The following RAD50 variants were observed in gnomAD, a reference collection of about 807,000 sequenced individuals.
RAD50 encodes the protein DNA repair protein RAD50.
RAD50 carries 132 observed loss-of-function variants against 168.8 expected under a neutral mutation model. The observed-to-expected ratio is 0.78, with a 90% confidence interval of 0.68 to 0.90. The LOEUF (loss-of-function observed/expected upper bound fraction) is 0.90. Among genes scored for constraint, RAD50 ranks in the 40% least tolerant of loss-of-function variants. The pLI is 0.00. For missense variants in RAD50, 1,347 were observed against 1,534.4 expected (o/e 0.88, Z 2.04); for synonymous variants, 525 against 497.4 (o/e 1.06, Z -0.74).
In RAD50 at chr5:132,616,034, CT is replaced by C. The variant is rs753950483; in HGVS notation, c.3071del (p.Leu1024Ter). 5.0e-6 allele frequency: 8 copies of C among 1,599,182 alleles called. No homozygotes were observed. The highest frequency in any genetic ancestry group is 1.3e-5 in the African/African-American group (1 of 74,600). On this transcript the variant is annotated frameshift_variant, in exon 20 of 25. Transcript: ENST00000378823. LOFTEE classifies it high-confidence loss of function. ...IQERWLQDNL[T>X]LRKRNEELKE... ...GAAAGGTGGCTACAAGATAACCTTA[CT>C]TTAAGAAAAAGAAATGAGGAACTAA...
chr5:132,633,127 G>A (rs1346268984), intron 21 of RAD50, among the ~76,000 whole-genome samples: 1 of 127,164 alleles, frequency 7.9e-6, no homozygotes, highest in African/African-American at 3.1e-5. Context: ...TTGAGACAGA[G>A]TCTAGCTCTG....
chr5:132,557,753 T>C (rs1188330542), intron 1 of RAD50, among the ~76,000 whole-genome samples: 3 of 152,230 alleles, frequency 2.0e-5, no homozygotes, highest in East Asian at 1.9e-4. Context: ...TTGGTCTGTA[T>C]TGATGTTTTT....
At chr5:132,562,188 G>A (rs548939941) in intron 2 of RAD50, among the ~76,000 whole-genome samples, 1 of 152,334 alleles carries the variant, frequency 6.6e-6, no homozygotes, top group East Asian at 1.9e-4. Flanking sequence ...ACTAGATCCT[G>A]TAGGTCCTTG....
Position 132,557,145 on chromosome 5 carries a change from G to A in RAD50, c.-180G>A. On this transcript the variant is annotated 5_prime_UTR_variant, in exon 1 of 25. Coordinates refer to ENST00000378823, the MANE Select transcript of RAD50 (RefSeq NM_005732.4). ...TGTGGGAGGAAAGGCTCCATCCCCC[G>A]CCCCCTCTCTCCCGCTGTTGGCTGG... 1 of 845,138 alleles carries A rather than the reference G, an allele frequency of 1.2e-6. No homozygotes were observed. Among genetic ancestry groups the A allele is most frequent in the Non-Finnish European group, 1.9e-6 (1 of 529,334 alleles). 52.4% of individuals were successfully genotyped at this position (845,138 alleles called of 1,614,324 possible).
intron 21 of RAD50, among the ~76,000 whole-genome samples, chr5:132,619,845 TATATATAAAG>T (rs1244784923): frequency 8.8e-5 from 11 of 125,414 alleles, no homozygotes; most frequent in African/African-American, 2.9e-4. Context: ...TCTATATATA[TATATATAAAG>T]ATATATATAT....
chr5:132,610,903 T>A (rs1751072159), intron 19 of RAD50, among the ~76,000 whole-genome samples: 1 of 152,200 alleles, frequency 6.6e-6, no homozygotes, highest in Non-Finnish European at 1.5e-5. Context: ...TGGTATTAGT[T>A]TACTTTGTAA....
At chr5:132,560,579 A>C (rs985459962) in intron 2 of RAD50, among the ~76,000 whole-genome samples, 2 of 152,210 alleles carry the variant, frequency 1.3e-5, no homozygotes, top group Admixed American at 6.5e-5. Flanking sequence ...CTTATTTTCC[A>C]ATCATCACAT....
intron 21 of RAD50, among the ~76,000 whole-genome samples, chr5:132,626,002 TG>T (rs1265378727): frequency 6.6e-6 from 1 of 152,032 alleles, no homozygotes; most frequent in Non-Finnish European, 1.5e-5. Flanking sequence ...TCCGAGTAGC[TG>T]GAATTACAGG....
chr5:132,635,590 A>G (rs558126202), intron 21 of RAD50, among the ~76,000 whole-genome samples: 10 of 152,340 alleles, frequency 6.6e-5, no homozygotes, highest in South Asian at 6.2e-4. Flanking sequence ...CCTGTGTTGT[A>G]TAAGGGAGCC....
chr5:132,630,108 T>C (rs1056681089), intron 21 of RAD50, among the ~76,000 whole-genome samples: 3 of 151,528 alleles, frequency 2.0e-5, no homozygotes, highest in Non-Finnish European at 2.9e-5. Flanking sequence ...AATGGTGCGA[T>C]CTCAGCTCAC....
chr5:132,559,298 T>G lies in RAD50; in HGVS notation c.144T>G (p.Cys48Trp). The change falls in exon 2 of 25, where the codon TGT (cysteine) becomes TGG (tryptophan). Residue 48 changes from cysteine to tryptophan, a missense_variant. Around this residue, in one of 3 missense-constraint regions of RAD50, gnomAD observed 703 missense variants for 767.7 expected, o/e 0.92. Transcript: ENST00000378823. ...NGAGKTTIIE[C>W]LKYICTGDFP... The stretch of plus-strand genomic sequence containing the variant: ...TATTTCTTTAGACCATCATTGAATG[T>G]CTAAAATATATTTGTACTGGAGATT... 1 of 1,606,036 alleles carries G rather than the reference T, an allele frequency of 6.2e-7. No homozygotes were observed. Among genetic ancestry groups the G allele is most frequent in the Non-Finnish European group, 8.5e-7 (1 of 1,176,290 alleles).
At chr5:132,594,488 G>A (rs1011684909) in intron 11 of RAD50, among the ~76,000 whole-genome samples, 2 of 152,288 alleles carry the variant, frequency 1.3e-5, no homozygotes, top group South Asian at 4.1e-4. Context: ...TTACAGGAGA[G>A]TAAGGAAGTA....
At chr5:132,594,813 T>G (rs1750759385) in intron 11 of RAD50, 56 bp from the exon 12 acceptor site, 1 of 1,532,752 alleles carries the variant, frequency 6.5e-7, no homozygotes, top group Admixed American at 1.7e-5. Flanking sequence ...CTACTCAAAT[T>G]TTCAAACTAA....
At chr5:132,565,111 C>A (rs928516103) in intron 2 of RAD50, among the ~76,000 whole-genome samples, 3 of 152,106 alleles carry the variant, frequency 2.0e-5, no homozygotes, top group African/African-American at 4.8e-5. Context: ...GTTTAAAAAT[C>A]TGTCACAATT....
chr5:132,586,019 C>T (rs1488392159), intron 5 of RAD50, among the ~76,000 whole-genome samples: 1 of 152,060 alleles, frequency 6.6e-6, no homozygotes, highest in Admixed American at 6.5e-5. Flanking sequence ...AAACTTTTTT[C>T]TCTTATGGTT....
chr5:132,558,355 T>G (rs981075583), intron 1 of RAD50, among the ~76,000 whole-genome samples: 2 of 149,164 alleles, frequency 1.3e-5, no homozygotes, highest in Non-Finnish European at 2.9e-5. Context: ...GTTGTCTGAT[T>G]GTTTGCGAGT....
At chr5:132,640,141 C>G (rs1751685742) in intron 23 of RAD50, among the ~76,000 whole-genome samples, 1 of 152,170 alleles carries the variant, frequency 6.6e-6, no homozygotes, top group African/African-American at 2.4e-5. Flanking sequence ...AACCACATTT[C>G]TATACTCCTG....
At chr5:132,608,375 T>C (rs1240609679) in intron 16 of RAD50, among the ~76,000 whole-genome samples, 1 of 152,204 alleles carries the variant, frequency 6.6e-6, no homozygotes, top group Non-Finnish European at 1.5e-5. Flanking sequence ...GTTAAAATCT[T>C]GGCTGCTTCA....
intron 16 of RAD50, among the ~76,000 whole-genome samples, chr5:132,608,145 A>T (rs889591652): frequency 6.6e-6 from 1 of 152,226 alleles, no homozygotes; most frequent in Non-Finnish European, 1.5e-5. Flanking sequence ...TGTTTTTACC[A>T]TCATGTTTTC....
Sources: gnomAD v4.1 joint callset for allele counts (sites outside exome capture counted in the v4.1 genomes callset) on GRCh38, gnomAD v4.1.1 for gene constraint, gnomAD v4.1.1 regional missense constraint, MANE v1.5 for transcripts, NCBI Gene and HGNC (gene_info 2026-07-23, HGNC 2026-07-21) for gene names.